Variants in NYX observed in about 807,000 individuals in gnomAD.
NYX encodes the protein nyctalopin.
For missense variants in NYX, 481 were observed against 485.4 expected, an observed-to-expected ratio of 0.99 and a Z score of 0.09; for synonymous variants, 258 against 245.7, an observed-to-expected ratio of 1.05 and a Z score of -0.47.
intron 2 of NYX, among the ~76,000 whole-genome samples, chrX:41,454,107 T>A (rs1381805388): frequency 2.7e-5 from 3 of 111,982 alleles, no homozygotes; most frequent in Admixed American, 1.9e-4. Flanking sequence ...CAATGCCTGA[T>A]CCCACCCCTG....
chrX:41,452,935 C>T (rs2064285965), intron 2 of NYX, among the ~76,000 whole-genome samples: 1 of 111,893 alleles, frequency 8.9e-6, no homozygotes, highest in South Asian at 3.7e-4. Flanking sequence ...TTTGAAGATC[C>T]AGCATTGGGT....
intron 2 of NYX, among the ~76,000 whole-genome samples, chrX:41,455,313 G>C (rs749297052): frequency 9.1e-6 from 1 of 109,742 alleles, no homozygotes; most frequent in Non-Finnish European, 1.9e-5. Flanking sequence ...CACCGTGTTG[G>C]TCAGGCTGGT....
intron 2 of NYX, among the ~76,000 whole-genome samples, chrX:41,469,065 G>T (rs1475708777): frequency 9.0e-6 from 1 of 111,526 alleles, no homozygotes; most frequent in Non-Finnish European, 1.9e-5. Flanking sequence ...CAACTGAGGG[G>T]CTGTTCAAAG....
At chrX:41,469,316 G>C (rs1251787148) in intron 2 of NYX, among the ~76,000 whole-genome samples, 3 of 111,192 alleles carry the variant, frequency 2.7e-5, no homozygotes, top group South Asian at 7.6e-4. Flanking sequence ...TGGCAGGCCA[G>C]GGGTATTTGC....
At chrX:41,469,335 C>T (rs771209010) in intron 2 of NYX, among the ~76,000 whole-genome samples, 7 of 110,689 alleles carry the variant, frequency 6.3e-5, no homozygotes, top group African/African-American at 2.3e-4. Flanking sequence ...GCTAGGAATT[C>T]GGGAGTACTG....
intron 2 of NYX, chrX:41,472,452 G>C (rs1004097637): frequency 1.0e-6 from 1 of 987,374 alleles, no homozygotes; most frequent in Non-Finnish European, 1.4e-6. Context: ...AGCAGGCCGC[G>C]GAGGTAACGA....
chrX:41,463,021 T>C (rs199822390), intron 2 of NYX, among the ~76,000 whole-genome samples: 1 of 63,471 alleles, frequency 1.6e-5, no homozygotes, highest in Non-Finnish European at 3.7e-5. Context: ...TCTCTCTCTC[T>C]TTTTTTTTGT....
At chrX:41,466,787 C>CTTT (rs747247175) in intron 2 of NYX, among the ~76,000 whole-genome samples, 31 of 20,506 alleles carry the variant, frequency 1.5e-3, no homozygotes, top group South Asian at 5.4e-3. Flanking sequence ...CCAGACTGGT[C>CTTT]TTTTTTTTTT....
chrX:41,464,009 A>G (rs1432598392), intron 2 of NYX, among the ~76,000 whole-genome samples: 1 of 112,364 alleles, frequency 8.9e-6, no homozygotes, highest in East Asian at 2.8e-4. Flanking sequence ...CTGCTGGAGA[A>G]GAATTTTCTC....
intron 2 of NYX, among the ~76,000 whole-genome samples, chrX:41,450,437 AT>A (rs1463730416): frequency 1.9e-5 from 2 of 107,989 alleles, no homozygotes; most frequent in African/African-American, 6.8e-5. Context: ...CACCTGGTTA[AT>A]TTTTGTATGT....
intron 2 of NYX, among the ~76,000 whole-genome samples, chrX:41,452,681 G>A (rs1403489886): frequency 9.0e-6 from 1 of 111,249 alleles, no homozygotes; most frequent in Non-Finnish European, 1.9e-5. Flanking sequence ...CCTTAGATGG[G>A]ACAGATGTTC....
chrX:41,460,876 A>ATTCTTTTTTTTTTTTTTTTTTTTTTTT (rs1335308569), intron 2 of NYX, among the ~76,000 whole-genome samples: 1 of 24,778 alleles, frequency 4.0e-5, no homozygotes. Context: ...CACAGTATGT[A>ATTCTTTTTTTTTTTTTTTTTTTTTTTT]TTTTTTTTTT....
intron 2 of NYX, among the ~76,000 whole-genome samples, chrX:41,463,216 G>T (rs752273548): frequency 1.8e-5 from 2 of 111,577 alleles, no homozygotes; most frequent in East Asian, 5.6e-4. Context: ...CATCCTTGTC[G>T]TGGTCTACCT....
intron 2 of NYX, among the ~76,000 whole-genome samples, chrX:41,461,841 G>A (rs1025886280): frequency 1.1e-4 from 12 of 110,889 alleles, no homozygotes; most frequent in African/African-American, 3.0e-4. Flanking sequence ...TCACTCTGTC[G>A]TCCAGGCTGG....
chrX:41,455,191 C>T (rs1307499957), intron 2 of NYX, among the ~76,000 whole-genome samples: 1 of 109,716 alleles, frequency 9.1e-6, no homozygotes, highest in Non-Finnish European at 1.9e-5. Flanking sequence ...CTACAACCTC[C>T]GCCTCCTGGA....
intron 2 of NYX, among the ~76,000 whole-genome samples, chrX:41,468,245 G>T (rs1389797494): frequency 1.8e-5 from 2 of 109,861 alleles, no homozygotes; most frequent in Non-Finnish European, 3.8e-5. Flanking sequence ...TATACAAATT[G>T]GTTGTATCCT....
rs5917430 is a variant in NYX at position 41,463,483 on chromosome X, C to T, written c.23-10008C>T. Among the ~76,000 whole-genome samples, 594 of 106,652 alleles carry T rather than the reference C, an allele frequency of 5.6e-3. 3 individuals carry two copies. The highest frequency in any genetic ancestry group is 0.02 in the Middle Eastern group (4 of 205). 92.6% of individuals were successfully genotyped at this position (106,652 alleles called of 115,157 possible). ...TGTTGCCCAGGCTGGAGTGCAGTGGCGCAATCTCGGCTCACTGCAACCTCT... is the reference window on the plus strand; with the variant it reads ...TGTTGCCCAGGCTGGAGTGCAGTGGTGCAATCTCGGCTCACTGCAACCTCT... On this transcript the variant is annotated intron_variant, in intron 2 of 2. Transcript: ENST00000378220.
rs375834225 is a variant in NYX, at chrX:41,474,255, C to G, written c.787C>G (p.Arg263Gly). 102 of 1,202,420 alleles carry G rather than the reference C, an allele frequency of 8.5e-5. No individual in the cohort carries two copies. The highest frequency in any genetic ancestry group is 1.1e-4 in the Non-Finnish European group (100 of 894,633). The change falls in exon 3 of 3, where the codon CGC (arginine) becomes GGC (glycine). Residue 263 changes from arginine (R) to glycine (G), a missense_variant. Physicochemically the swap from Arg to Gly is moderately radical, Grantham distance 125. Transcript: ENST00000378220. ...CAACCTGGGTGGCAACGCGCTGGACCGCGTGGCGCGCGCCTGGTTCGCTGA... is the reference window on the plus strand; with the variant it reads ...CAACCTGGGTGGCAACGCGCTGGACGGCGTGGCGCGCGCCTGGTTCGCTGA... ...TLNLGGNALD[R>G]VARAWFADLA...
chrX:41,460,876 ATTTTTTT>A (rs59383905), intron 2 of NYX, among the ~76,000 whole-genome samples: 65 of 24,766 alleles, frequency 2.6e-3, no homozygotes, highest in Non-Finnish European at 3.3e-3. Flanking sequence ...CACAGTATGT[ATTTTTTT>A]TTTTTTTTTT....
Sources: allele counts gnomAD v4.1 joint callset (sites outside exome capture counted in the v4.1 genomes callset), GRCh38; gene constraint gnomAD v4.1.1; transcripts MANE v1.5; gene names NCBI Gene and HGNC (gene_info 2026-07-23, HGNC 2026-07-21).